RHOBTB3: variants seen among roughly 807,000 people sequenced by gnomAD.
The protein encoded by RHOBTB3 is Rho related BTB domain containing 3, also known as rho-related BTB domain-containing protein 3.
In RHOBTB3, 47 loss-of-function variants were observed where a neutral mutation model predicts 67.2. The observed-to-expected ratio is 0.70, with a 90% CI of 0.55 to 0.89. The LOEUF (loss-of-function observed/expected upper bound fraction) is 0.89, where lower values mean the gene tolerates loss of function less well. RHOBTB3 is among the 40% of genes least tolerant of loss of function. RHOBTB3 has a pLI of 0.00. For synonymous variants in RHOBTB3, 273 were observed against 274.2 expected, an observed-to-expected ratio of 1.00 and a Z score of 0.04; for missense variants, 631 against 750.0, an observed-to-expected ratio of 0.84 and a Z score of 1.85.
rs756214266 is a variant in RHOBTB3, at chr5:95,788,810, A to G, written c.1672A>G (p.Thr558Ala). The change falls in exon 11 of 12, where the codon ACT becomes GCT. Residue 558 changes from threonine (T) to alanine (A), a missense_variant. Physicochemically the swap from Thr to Ala is moderately conservative, Grantham distance 58. Transcript: ENST00000379982. The stretch of plus-strand genomic sequence containing the variant: ...AACCTGGCTACTTCATTTCATTGCT[A>G]CTAACTACCTCATCTTCAGTCAAAA... ...LSTWLLHFIATNYLIFSQKPE... is the reference protein window; with the variant it reads ...LSTWLLHFIAANYLIFSQKPE... 1.3e-6 allele frequency: 2 copies of G among 1,581,118 alleles called. No homozygotes were observed. Among genetic ancestry groups the G allele is most frequent in the East Asian group, 2.3e-5 (1 of 42,870 alleles).
In RHOBTB3 at chr5:95,794,824, C is replaced by G. The variant is rs1746525699; in HGVS notation, c.*1650C>G. On this transcript the variant is annotated 3_prime_UTR_variant, in exon 12 of 12. Coordinates refer to ENST00000379982, the MANE Select transcript of RHOBTB3 (RefSeq NM_014899.4). Reference sequence around the variant, plus strand: ...ACACTGCCAAAGTAAAACATTAGGTCAGGCATGGTGGCTCAGGCCTGTAAT... The same window carrying G: ...ACACTGCCAAAGTAAAACATTAGGTGAGGCATGGTGGCTCAGGCCTGTAAT... 1 of 152,108 alleles carries G rather than the reference C, an allele frequency of 6.6e-6. No individual in the cohort carries two copies. Among genetic ancestry groups the G allele is most frequent in the African/African-American group, 2.4e-5 (1 of 41,412 alleles). The allele number at this position is 152,108 out of a possible 1,614,324, so 9.4% of individuals were successfully genotyped here.
At chr5:95,771,291 A>T (rs1360531026) in intron 8 of RHOBTB3, among the ~76,000 whole-genome samples, 1 of 152,262 alleles carries the variant, frequency 6.6e-6, no homozygotes, top group African/African-American at 2.4e-5. Context: ...TAAAAGGAAG[A>T]TATAATCTAA....
At chr5:95,722,551 C>T (rs1199379802) in intron 1 of RHOBTB3, among the ~76,000 whole-genome samples, 1 of 151,984 alleles carries the variant, frequency 6.6e-6, no homozygotes, top group East Asian at 1.9e-4. Context: ...AGTTCAGTGG[C>T]GTGACCTCGG....
chr5:95,767,889 A>G lies in RHOBTB3; in HGVS notation c.1162-157A>G, dbSNP rs775692352. ...GACAGGCAGCCCATACAGTTCTTAAAGGTAAGTTCCTTTGAAACCTGTGAT... is the reference window on the plus strand; with the variant it reads ...GACAGGCAGCCCATACAGTTCTTAAGGGTAAGTTCCTTTGAAACCTGTGAT... On this transcript the variant is annotated intron_variant, in intron 7 of 11. Coordinates refer to ENST00000379982, the MANE Select transcript of RHOBTB3 (RefSeq NM_014899.4). 31 of 761,932 alleles carry G rather than the reference A, an allele frequency of 4.1e-5. 1 individual carries two copies. Among genetic ancestry groups the G allele is most frequent in the South Asian group, 3.6e-4 (25 of 69,104 alleles). The allele number at this position is 761,932 out of a possible 1,614,324, so 47.2% of individuals were successfully genotyped here. A position where few individuals can be genotyped will look rare whatever the true frequency, so the allele number is the denominator to read the frequency against.
chr5:95,792,566 G>A (rs1465083025), intron 11 of RHOBTB3, among the ~76,000 whole-genome samples: 1 of 151,992 alleles, frequency 6.6e-6, no homozygotes, highest in African/African-American at 2.4e-5. Context: ...TCCAAGGCAG[G>A]CAGATCACGA....
At chr5:95,765,249 A>G (rs1177519450) in intron 7 of RHOBTB3, among the ~76,000 whole-genome samples, 3 of 152,222 alleles carry the variant, frequency 2.0e-5, no homozygotes, top group African/African-American at 7.2e-5. Flanking sequence ...TAACCTTTAT[A>G]TGGCTGACAA....
chr5:95,783,806 T>A lies in RHOBTB3; in HGVS notation c.1466T>A (p.Phe489Tyr). Residue 489 changes from phenylalanine (F) to tyrosine (Y), a missense_variant, in exon 10 of 12, where the codon TTC becomes TAC. Transcript: ENST00000379982. ...TCCCTTTTCTCATCAGCTGGCATAT[T>A]CCAGGCCATGTGTCTCCTGATCTGT... is the stretch of plus-strand genomic sequence containing the variant. ...YTDSCCPAGI[F>Y]QAMCLLICAE... The A allele has an allele frequency of 6.2e-7, 1 of 1,609,976 alleles. No individual in the cohort carries two copies.
rs1746516049 is a variant in RHOBTB3, at chr5:95,794,555, C to T, written c.*1381C>T. On this transcript the variant is annotated 3_prime_UTR_variant, in exon 12 of 12. Transcript: ENST00000379982. Reference sequence around the variant, plus strand: ...TAGAGGACAGACTGATAGTTTCTTTCTTTCATATCACATGTATAGAGAAAT... The same window carrying T: ...TAGAGGACAGACTGATAGTTTCTTTTTTTCATATCACATGTATAGAGAAAT... The T allele has an allele frequency of 6.5e-6, 1 of 152,998 alleles. No homozygotes were observed. Among genetic ancestry groups the T allele is most frequent in the Admixed American group, 6.5e-5 (1 of 15,460 alleles). The allele number at this position is 152,998 out of a possible 1,614,324, so 9.5% of individuals were successfully genotyped here. A position where few individuals can be genotyped will look rare whatever the true frequency, so the allele number is the denominator to read the frequency against.
At chr5:95,756,544 A>G (rs577445248) in intron 6 of RHOBTB3, among the ~76,000 whole-genome samples, 1 of 152,298 alleles carries the variant, frequency 6.6e-6, no homozygotes, top group Admixed American at 6.5e-5. Flanking sequence ...GAATTGCTGG[A>G]TCACATGGTA....
upstream of RHOBTB3, among the ~76,000 whole-genome samples, chr5:95,730,586 C>T (rs1258662089): frequency 1.3e-5 from 2 of 152,158 alleles, no homozygotes; most frequent in African/African-American, 4.8e-5. Flanking sequence ...GTGGCCATAA[C>T]GTGTACAGAA....
intron 10 of RHOBTB3, among the ~76,000 whole-genome samples, chr5:95,784,188 C>T (rs921266339): frequency 5.9e-5 from 9 of 152,042 alleles, no homozygotes; most frequent in Admixed American, 4.6e-4. Context: ...TGTCCAGATA[C>T]GGAATTTTTT....
intron 3 of RHOBTB3, among the ~76,000 whole-genome samples, chr5:95,745,595 A>G (rs1744872162): frequency 6.6e-6 from 1 of 152,086 alleles, no homozygotes; most frequent in Non-Finnish European, 1.5e-5. Flanking sequence ...CAAAGCCACT[A>G]CTTTTCAAAG....
chr5:95,787,227 G>T lies in RHOBTB3; in HGVS notation c.1624-1535G>T, dbSNP rs760087879. Among the ~76,000 whole-genome samples the T allele has an allele frequency of 2.0e-5, 3 of 152,054 alleles. No homozygotes were observed. The South Asian group carries it at 6.2e-4, about 31-fold the overall frequency. On this transcript the variant is annotated intron_variant, in intron 10 of 11. Transcript: ENST00000379982. ...TTGTTATCTGCTCTGGGTTAATCAC[G>T]TAACAGTAGTGGTGGCTTCTCTAAA...
intron 1 of RHOBTB3, among the ~76,000 whole-genome samples, chr5:95,725,500 G>A (rs138815139): frequency 1.3e-5 from 2 of 152,396 alleles, no homozygotes; most frequent in East Asian, 1.9e-4. Context: ...ACAAGCGCAC[G>A]CCTTTGCGTG....
intron 6 of RHOBTB3, 193 bp downstream of exon 6, chr5:95,755,954 A>C: frequency 3.7e-6 from 2 of 541,848 alleles, no homozygotes; most frequent in Non-Finnish European, 6.4e-6. Context: ...TTACAAATGT[A>C]CTTGCCTCAT....
At chr5:95,733,774 G>T (rs1271649306) in intron 2 of RHOBTB3, among the ~76,000 whole-genome samples, 3 of 152,110 alleles carry the variant, frequency 2.0e-5, no homozygotes, top group Non-Finnish European at 4.4e-5. Context: ...TTCTTCACTT[G>T]GTGGTAAGTA....
intron 11 of RHOBTB3, chr5:95,789,112 T>A: frequency 2.8e-6 from 1 of 352,118 alleles, no homozygotes; most frequent in Non-Finnish European, 5.1e-6. Context: ...ATGCATTTTC[T>A]TTCCCTGAAA....
At chr5:95,739,188 C>T (rs556767886) in intron 3 of RHOBTB3, among the ~76,000 whole-genome samples, 17 of 152,340 alleles carry the variant, frequency 1.1e-4, no homozygotes, top group Non-Finnish European at 1.6e-4. Context: ...CCAGTCCTAT[C>T]CATTCACCCA....
chr5:95,745,271 A>G (rs1350551073), intron 3 of RHOBTB3, among the ~76,000 whole-genome samples: 1 of 151,906 alleles, frequency 6.6e-6, no homozygotes, highest in African/African-American at 2.4e-5. Context: ...GAATTCAGCC[A>G]AGTATAATCC....
Sources: gnomAD v4.1 joint callset for allele counts (sites outside exome capture counted in the v4.1 genomes callset) on GRCh38, gnomAD v4.1.1 for gene constraint, MANE v1.5 for transcripts, NCBI Gene and HGNC (gene_info 2026-07-23, HGNC 2026-07-21) for gene names.